The following CXXC4 variants were observed in gnomAD, a reference collection of about 807,000 sequenced individuals.
CXXC4 encodes the protein CXXC-type zinc finger protein 4.
A neutral mutation model predicts 20.5 loss-of-function variants in CXXC4; 5 were observed. That is an observed-to-expected ratio of 0.24 (90% confidence interval 0.13 to 0.51). The LOEUF is 0.51. CXXC4 is among the 20% of genes least tolerant of loss of function. The probability of loss-of-function intolerance (pLI) is 0.97; values close to 1 mark genes in which losing one functional copy is unlikely to be tolerated. For synonymous variants in CXXC4, 250 were observed against 216.4 expected (o/e 1.16, Z -1.36); for missense variants, 419 against 496.4 (o/e 0.84, Z 1.48).
intron 2 of CXXC4, among the ~76,000 whole-genome samples, chr4:104,476,263 A>G (rs1232884694): frequency 6.6e-6 from 1 of 152,140 alleles, no homozygotes; most frequent in Non-Finnish European, 1.5e-5. Flanking sequence ...AACCTAAAAT[A>G]ATAAAGAATA....
At chr4:104,494,657 T>G (rs74917848) in intron 1 of CXXC4, 44 bp downstream of exon 1, 2 of 38,740 alleles carry the variant, frequency 5.2e-5, no homozygotes, top group Non-Finnish European at 9.3e-5. Flanking sequence ...AAACAAACTG[T>G]TGGGGGGGGG....
intron 2 of CXXC4, among the ~76,000 whole-genome samples, chr4:104,481,558 T>C (rs569671174): frequency 1.3e-5 from 2 of 151,528 alleles, no homozygotes; most frequent in South Asian, 2.1e-4. Flanking sequence ...AAAAAAAATA[T>C]GGAACTAAGT....
In CXXC4 at chr4:104,469,686, G is replaced by C. The variant is rs560501991; in HGVS notation, c.*2636C>G. The C allele has an allele frequency of 1.3e-5, 2 of 152,008 alleles. No individual in the cohort carries two copies. Among genetic ancestry groups the C allele is most frequent in the African/African-American group, 4.8e-5 (2 of 41,502 alleles). 9.4% of individuals were successfully genotyped at this position (152,008 alleles called of 1,614,324 possible). ...CATCTCTTTCTTCAACATCACCAATGAGAACTTTATATGCATCCTACATTA... is the reference window on the plus strand; with the variant it reads ...CATCTCTTTCTTCAACATCACCAATCAGAACTTTATATGCATCCTACATTA... On this transcript the variant is annotated 3_prime_UTR_variant, in exon 3 of 3. Transcript: ENST00000394767.
rs1403592219 is a variant in CXXC4, at chr4:104,471,556, T to C, written c.*766A>G. ...TAAGTATTTGGGAGGTATACCCTTC[T>C]GTACAGCTCGTTTGTAAGCAATGCA... is the stretch of plus-strand genomic sequence containing the variant. On this transcript the variant is annotated 3_prime_UTR_variant, in exon 3 of 3. Transcript: ENST00000394767. 6.6e-6 allele frequency: 1 copy of C among 152,106 alleles called. No individual in the cohort carries two copies. The highest frequency in any genetic ancestry group is 6.6e-5 in the Admixed American group (1 of 15,238). The allele number at this position is 152,106 out of a possible 1,614,324, so 9.4% of individuals were successfully genotyped here.
At chr4:104,477,377 C>A (rs1578315914) in intron 2 of CXXC4, among the ~76,000 whole-genome samples, 1 of 152,006 alleles carries the variant, frequency 6.6e-6, no homozygotes. Context: ...ATTTCAAAAT[C>A]TACTTGGAGA....
intron 2 of CXXC4, among the ~76,000 whole-genome samples, chr4:104,473,065 T>G (rs1000971029): frequency 6.6e-6 from 1 of 151,798 alleles, no homozygotes; most frequent in African/African-American, 2.4e-5. Context: ...ACAATATATA[T>G]ATATATACAT....
Position 104,491,364 on chromosome 4 carries a change from A to G in CXXC4, c.439T>C (p.Ser147Pro). The G allele has an allele frequency of 7.1e-7, 1 of 1,415,978 alleles. No individual in the cohort carries two copies. The highest frequency in any genetic ancestry group is 2.7e-5 in the East Asian group (1 of 36,504). The allele number at this position is 1,415,978 out of a possible 1,614,324, so 87.7% of individuals were successfully genotyped here. A position where few individuals can be genotyped will look rare whatever the true frequency, so the allele number is the denominator to read the frequency against. The change falls in exon 2 of 3, where the codon TCC becomes CCC. Residue 147 changes from serine (S) to proline (P), a missense_variant. Ser to Pro is a moderately conservative substitution (Grantham distance 74). This residue lies in a region of CXXC4 where 388 missense variants were observed against 416.0 expected (regional missense o/e 0.93). Coordinates refer to ENST00000394767, the MANE Select transcript of CXXC4 (RefSeq NM_025212.4). ...SSSAAASSSASSSSAILPAGG... is the reference protein window; with the variant it reads ...SSSAAASSSAPSSSAILPAGG... ...GCGGGGAGGATCGCCGAGGAGGAGG[A>G]GGCGGAGGAGGAGGCGGCGGCGGAG...
rs1354210110 is a variant in CXXC4 at position 104,491,433 on chromosome 4, C to A, written c.370G>T (p.Gly124Cys). The change falls in exon 2 of 3, where the codon GGC (glycine) becomes TGC (cysteine). Residue 124 changes from glycine to cysteine, a missense_variant. Physicochemically the swap from Gly to Cys is radical, Grantham distance 159. This residue lies in a region of CXXC4 where 388 missense variants were observed against 416.0 expected (regional missense o/e 0.93). Transcript: ENST00000394767. ...GGGGGGGGGGGGGGGGGGGGG... is the reference protein window; with the variant it reads ...GGGGGGGGGGCGGGGGGGGGG... ...CCACCACCCCCGCCCCCGCCTCCGC[C>A]GCCGCCGCCGCCGCCGCCACCCCCC... 4.3e-6 allele frequency: 4 copies of A among 924,512 alleles called. No individual in the cohort carries two copies. The highest frequency in any genetic ancestry group is 5.4e-6 in the Non-Finnish European group (4 of 742,182). 57.3% of individuals were successfully genotyped at this position (924,512 alleles called of 1,614,324 possible).
At chr4:104,489,134 T>G (rs966244274) in intron 2 of CXXC4, among the ~76,000 whole-genome samples, 1 of 152,186 alleles carries the variant, frequency 6.6e-6, no homozygotes, top group African/African-American at 2.4e-5. Flanking sequence ...TAGTTGCTAT[T>G]ATATTTGCAC....
chr4:104,478,906 T>C (rs1311577007), intron 2 of CXXC4, among the ~76,000 whole-genome samples: 2 of 152,060 alleles, frequency 1.3e-5, no homozygotes, highest in African/African-American at 4.8e-5. Flanking sequence ...TTTATTTATA[T>C]AGTCATATGT....
At chr4:104,492,103 G>C (rs1363350497) in intron 1 of CXXC4, 44 bp from the exon 2 acceptor site, 1 of 246,948 alleles carries the variant, frequency 4.0e-6, no homozygotes, top group African/African-American at 2.2e-5. Flanking sequence ...CGAGGAAAAA[G>C]ATTAAAAATA....
intron 2 of CXXC4, among the ~76,000 whole-genome samples, chr4:104,476,623 A>C (rs1736413215): frequency 6.6e-6 from 1 of 152,104 alleles, no homozygotes; most frequent in South Asian, 2.1e-4. Flanking sequence ...TTTTAAATTG[A>C]GATCATGATT....
At chr4:104,477,527 C>T (rs1174483496) in intron 2 of CXXC4, among the ~76,000 whole-genome samples, 1 of 151,940 alleles carries the variant, frequency 6.6e-6, no homozygotes, top group Non-Finnish European at 1.5e-5. Flanking sequence ...ACACCTCCCC[C>T]ACAAGTTTTT....
chr4:104,491,705 A>T lies in CXXC4; in HGVS notation c.98T>A (p.Val33Glu), dbSNP rs1422970112. 1 of 1,546,026 alleles carries T rather than the reference A, an allele frequency of 6.5e-7. No homozygotes were observed. The highest frequency in any genetic ancestry group is 1.4e-5 in the African/African-American group (1 of 72,548). ...GCGCTCCATTTCCGAGTTGTAATCCACAAGGCTGTTCAGAGCCCCCTCGGG... is the reference window on the plus strand; with the variant it reads ...GCGCTCCATTTCCGAGTTGTAATCCTCAAGGCTGTTCAGAGCCCCCTCGGG... ...HLPEGALNSL[V>E]DYNSEMERYR... Residue 33 changes from valine to glutamate, a missense_variant, in exon 2 of 3, where the codon GTG (valine) becomes GAG (glutamate). Around this residue, in one of 3 missense-constraint regions of CXXC4, gnomAD observed 388 missense variants for 416.0 expected, o/e 0.93. Transcript: ENST00000394767.
In CXXC4 at chr4:104,471,510, C is replaced by A. The variant is rs999808118; in HGVS notation, c.*812G>T. On this transcript the variant is annotated 3_prime_UTR_variant, in exon 3 of 3. Coordinates refer to ENST00000394767, the MANE Select transcript of CXXC4 (RefSeq NM_025212.4). The stretch of plus-strand genomic sequence containing the variant: ...CTGAGTACTCTGCCTTACAGTGCAA[C>A]CCAAGACAAGTCAACTACACTAAGT... The A allele has an allele frequency of 6.6e-6, 1 of 151,980 alleles. No homozygotes were observed. The highest frequency in any genetic ancestry group is 1.9e-4 in the East Asian group (1 of 5,178). The allele number at this position is 151,980 out of a possible 1,614,324, so 9.4% of individuals were successfully genotyped here. A position where few individuals can be genotyped will look rare whatever the true frequency, so the allele number is the denominator to read the frequency against.
At chr4:104,480,315 T>C (rs1736519189) in intron 2 of CXXC4, among the ~76,000 whole-genome samples, 1 of 152,160 alleles carries the variant, frequency 6.6e-6, no homozygotes, top group Non-Finnish European at 1.5e-5. Flanking sequence ...GTGATTGATA[T>C]CCTTCTCATC....
rs1016115294 is a variant in CXXC4 at position 104,469,538 on chromosome 4, G to A, written c.*2784C>T. The A allele has an allele frequency of 2.0e-5, 3 of 151,864 alleles. No individual in the cohort carries two copies. The highest frequency in any genetic ancestry group is 7.3e-5 in the African/African-American group (3 of 41,352). 9.4% of individuals were successfully genotyped at this position (151,864 alleles called of 1,614,324 possible). On this transcript the variant is annotated 3_prime_UTR_variant, in exon 3 of 3. Coordinates refer to ENST00000394767, the MANE Select transcript of CXXC4 (RefSeq NM_025212.4). The stretch of plus-strand genomic sequence containing the variant: ...AATATTTAAAAGTTACATTTCATTG[G>A]TATTTGAAAATCATGAAAAATGTAA...
intron 2 of CXXC4, among the ~76,000 whole-genome samples, chr4:104,473,946 A>T (rs1237590792): frequency 1.3e-5 from 2 of 151,988 alleles, no homozygotes; most frequent in African/African-American, 4.8e-5. Flanking sequence ...AAAAGTATTA[A>T]TTGATTAGGA....
rs1242355238 is a variant in CXXC4, at chr4:104,491,455, CCCCCCGCCGCCGCCCCCG to C, written c.330_347del (p.Gly129_Gly134del). The C allele has an allele frequency of 1.0e-4, 91 of 875,732 alleles. No individual in the cohort carries two copies. In the East Asian group the frequency reaches 5.3e-3, roughly 51 times the overall value. 54.2% of individuals were successfully genotyped at this position (875,732 alleles called of 1,614,324 possible). On this transcript the variant is annotated inframe_deletion, in exon 2 of 3. Coordinates refer to ENST00000394767, the MANE Select transcript of CXXC4 (RefSeq NM_025212.4). ...CGCCGCCGCCGCCGCCGCCGCCACC[CCCCCCGCCGCCGCCCCCG>C]CCCCCGCCGCTGCCCCAGAGCATGG... is the stretch of plus-strand genomic sequence containing the variant.
Sources: gnomAD v4.1 joint callset for allele counts (sites outside exome capture counted in the v4.1 genomes callset) on GRCh38, gnomAD v4.1.1 for gene constraint, gnomAD v4.1.1 regional missense constraint, MANE v1.5 for transcripts, NCBI Gene and HGNC (gene_info 2026-07-23, HGNC 2026-07-21) for gene names.